Variants in IGF2BP3 observed in about 807,000 individuals in gnomAD.
IGF2BP3 encodes insulin-like growth factor 2 mRNA-binding protein 3.
A neutral mutation model predicts 73.8 loss-of-function variants in IGF2BP3; 9 were observed. That is an observed-to-expected ratio of 0.12 (90% confidence interval 0.07 to 0.21). The LOEUF (loss-of-function observed/expected upper bound fraction) is 0.21, where lower values mean the gene tolerates loss of function less well. Among genes scored for constraint, IGF2BP3 ranks in the 10% least tolerant of loss-of-function variants. IGF2BP3 has a pLI of 1.00. For missense variants in IGF2BP3, 542 were observed against 714.0 expected (o/e 0.76, Z 2.75); for synonymous variants, 258 against 256.7 (o/e 1.01, Z -0.05).
At chr7:23,325,305 G>C (rs1471347106) in intron 10 of IGF2BP3, among the ~76,000 whole-genome samples, 1 of 152,116 alleles carries the variant, frequency 6.6e-6, no homozygotes, top group East Asian at 1.9e-4. Flanking sequence ...CAAATCATGA[G>C]TGAACTCCCA....
At chr7:23,322,628 C>A (rs927277984) in intron 10 of IGF2BP3, among the ~76,000 whole-genome samples, 4 of 151,974 alleles carry the variant, frequency 2.6e-5, no homozygotes, top group African/African-American at 4.8e-5. Context: ...GTCAGATTCA[C>A]CAAAGTTGAA....
At chr7:23,462,967 A>T (rs1788484946) in intron 2 of IGF2BP3, among the ~76,000 whole-genome samples, 1 of 152,236 alleles carries the variant, frequency 6.6e-6, no homozygotes, top group African/African-American at 2.4e-5. Flanking sequence ...CATCAGATTT[A>T]TGGGGCTGAG....
At chr7:23,368,934 T>C (rs1444691737) in intron 3 of IGF2BP3, among the ~76,000 whole-genome samples, 1 of 151,812 alleles carries the variant, frequency 6.6e-6, no homozygotes, top group African/African-American at 2.4e-5. Flanking sequence ...AAAAAATAAT[T>C]GTACACTTTA....
intron 3 of IGF2BP3, among the ~76,000 whole-genome samples, chr7:23,371,900 G>A (rs1785559882): frequency 6.6e-6 from 1 of 152,186 alleles, no homozygotes; most frequent in Non-Finnish European, 1.5e-5. Context: ...AGAGAGAACA[G>A]TCCAACAATC....
intron 10 of IGF2BP3, among the ~76,000 whole-genome samples, chr7:23,340,889 G>T (rs772933489): frequency 7.9e-5 from 11 of 139,490 alleles, no homozygotes; most frequent in African/African-American, 3.0e-4. Flanking sequence ...TCGCTCTGTC[G>T]CCCAGGCTGG....
chr7:23,383,132 A>C (rs1026894252), intron 3 of IGF2BP3, among the ~76,000 whole-genome samples: 5 of 152,260 alleles, frequency 3.3e-5, no homozygotes, highest in African/African-American at 1.2e-4. Context: ...CATAGTATTA[A>C]AGACTAGTTT....
At chr7:23,318,935 G>C (rs1007171579) in intron 11 of IGF2BP3, among the ~76,000 whole-genome samples, 11 of 152,190 alleles carry the variant, frequency 7.2e-5, no homozygotes, top group Admixed American at 1.3e-4. Context: ...CACCCAGCCC[G>C]GATGTTCACC....
chr7:23,365,109 T>C (rs1353836095), intron 3 of IGF2BP3, among the ~76,000 whole-genome samples: 9 of 152,246 alleles, frequency 5.9e-5, no homozygotes, highest in African/African-American at 1.9e-4. Context: ...GAGGTGGCAG[T>C]GAGCAGAGAT....
chr7:23,386,686 C>T (rs921568345), intron 3 of IGF2BP3, among the ~76,000 whole-genome samples: 1 of 152,152 alleles, frequency 6.6e-6, no homozygotes, highest in Non-Finnish European at 1.5e-5. Context: ...CGTAATTCTC[C>T]ACTACTTAAG....
intron 2 of IGF2BP3, among the ~76,000 whole-genome samples, chr7:23,424,824 C>T (rs916722680): frequency 9.2e-5 from 14 of 152,132 alleles, no homozygotes; most frequent in Admixed American, 6.6e-4. Flanking sequence ...GTTTAGTAAT[C>T]GATGAAACTG....
chr7:23,397,617 C>T (rs889028582), intron 3 of IGF2BP3, among the ~76,000 whole-genome samples: 11 of 152,178 alleles, frequency 7.2e-5, no homozygotes, highest in Admixed American at 5.2e-4. Context: ...ATGCTGCATC[C>T]CCTACATGAA....
intron 2 of IGF2BP3, among the ~76,000 whole-genome samples, chr7:23,453,912 G>A (rs1788257172): frequency 6.6e-6 from 1 of 152,106 alleles, no homozygotes; most frequent in South Asian, 2.1e-4. Flanking sequence ...ATGCAGTGGT[G>A]CAAACCTGGG....
chr7:23,468,388 G>T, intron 2 of IGF2BP3, 94 bp downstream of exon 2: 1 of 1,267,686 alleles, frequency 7.9e-7, no homozygotes, highest in Non-Finnish European at 1.2e-6. Context: ...CACGGCAGGG[G>T]GTAAGCACCA....
chr7:23,327,319 G>C lies in IGF2BP3; in HGVS notation c.1204-8065C>G, dbSNP rs1021947056. Among the ~76,000 whole-genome samples the C allele has an allele frequency of 1.2e-4, 17 of 145,728 alleles. No individual in the cohort carries two copies. In the South Asian group the frequency reaches 1.5e-3, roughly 13 times the overall value. Reference sequence around the variant, plus strand: ...TTTTTGAGACGGAGTCTCGCTCTGTGGCCCAGGCTGGAGTGCAGTGGCGCA... The same window carrying C: ...TTTTTGAGACGGAGTCTCGCTCTGTCGCCCAGGCTGGAGTGCAGTGGCGCA... On this transcript the variant is annotated intron_variant, in intron 10 of 14. Coordinates refer to ENST00000258729, the MANE Select transcript of IGF2BP3 (RefSeq NM_006547.3).
intron 5 of IGF2BP3, among the ~76,000 whole-genome samples, chr7:23,358,460 T>C (rs1387179229): frequency 1.3e-5 from 2 of 152,192 alleles, no homozygotes. Flanking sequence ...AGCAGGCCTA[T>C]GGGGTTCATT....
At chr7:23,370,893 G>A (rs1038166017) in intron 3 of IGF2BP3, among the ~76,000 whole-genome samples, 4 of 151,898 alleles carry the variant, frequency 2.6e-5, no homozygotes, top group Admixed American at 2.0e-4. Context: ...TGGCCAGGCT[G>A]GTCTCGAACT....
chr7:23,413,691 A>T (rs993060824), intron 3 of IGF2BP3: 1 of 152,182 alleles, frequency 6.6e-6, no homozygotes, highest in Non-Finnish European at 1.5e-5. Flanking sequence ...GCATCTGAAC[A>T]TCCACATCGT....
At chr7:23,442,865 T>G (rs1197122497) in intron 2 of IGF2BP3, among the ~76,000 whole-genome samples, 1 of 152,170 alleles carries the variant, frequency 6.6e-6, no homozygotes, top group Non-Finnish European at 1.5e-5. Flanking sequence ...CTTTGATAAA[T>G]TCAGAGATTT....
chr7:23,399,882 A>G (rs1786604295), intron 3 of IGF2BP3, among the ~76,000 whole-genome samples: 1 of 152,212 alleles, frequency 6.6e-6, no homozygotes, highest in Non-Finnish European at 1.5e-5. Context: ...AGAGAGTTTA[A>G]AAAGTCACTT....
Sources: allele counts gnomAD v4.1 joint callset (sites outside exome capture counted in the v4.1 genomes callset), GRCh38; gene constraint gnomAD v4.1.1; transcripts MANE v1.5; gene names NCBI Gene and HGNC (gene_info 2026-07-23, HGNC 2026-07-21).